AUTS2: variants seen among roughly 807,000 people sequenced by gnomAD.
The protein encoded by AUTS2 is autism susceptibility gene 2 protein.
Under a neutral mutation model 112.4 loss-of-function variants are expected in AUTS2, and 17 were observed. The observed-to-expected ratio is 0.15, with a 90% confidence interval of 0.10 to 0.23. The LOEUF is 0.23. AUTS2 is among the 10% of genes least tolerant of loss of function. The pLI is 1.00. For missense variants in AUTS2, 1,510 were observed against 1,701.6 expected (o/e 0.89, Z 1.98); for synonymous variants, 751 against 702.7 (o/e 1.07, Z -1.09).
At chr7:70,787,964 C>T (rs184010659) in intron 18 of AUTS2, among the ~76,000 whole-genome samples, 4 of 152,152 alleles carry the variant, frequency 2.6e-5, no homozygotes, top group Admixed American at 6.5e-5. Flanking sequence ...TGTAGAGAAA[C>T]GTCGACAAGC....
chr7:70,775,364 A>T lies in AUTS2; in HGVS notation c.1910A>T (p.Asp637Val). 1 of 1,613,174 alleles carries T rather than the reference A, an allele frequency of 6.2e-7. No individual in the cohort carries two copies. ...TLLQKDPRLT[D>V]PFRPMLRKPG... ...GTCATTTTCTCTTCACAGTTGACAG[A>T]TCCTTTCAGACCTATGTTAAGGGTA... The change falls in exon 13 of 19, where the codon GAT (aspartate) becomes GTT (valine). Residue 637 changes from aspartate (D) to valine (V), a missense_variant. By Grantham distance (152) the Asp-to-Val change is radical. Coordinates refer to ENST00000342771, the MANE Select transcript of AUTS2 (RefSeq NM_015570.4).
intron 4 of AUTS2, among the ~76,000 whole-genome samples, chr7:70,415,408 T>C (rs1794948613): frequency 6.6e-6 from 1 of 152,206 alleles, no homozygotes; most frequent in South Asian, 2.1e-4. Context: ...GCATATTGCA[T>C]AGTTTGAGGA....
chr7:70,609,816 CTT>C (rs2129533077), intron 5 of AUTS2, among the ~76,000 whole-genome samples: 1 of 152,262 alleles, frequency 6.6e-6, no homozygotes, highest in South Asian at 2.1e-4. Flanking sequence ...TCAGCGGACA[CTT>C]AGGTGAATTC....
At chr7:70,187,762 C>T (rs1584853894) in intron 4 of AUTS2, among the ~76,000 whole-genome samples, 1 of 147,508 alleles carries the variant, frequency 6.8e-6, no homozygotes, top group East Asian at 2.0e-4. Flanking sequence ...GTCAGACATA[C>T]TCAACTAGTC....
intron 4 of AUTS2, among the ~76,000 whole-genome samples, chr7:70,298,017 G>GT (rs1378250015): frequency 7.8e-4 from 118 of 151,688 alleles, no homozygotes; most frequent in African/African-American, 2.7e-3. Flanking sequence ...CTCTTTTTTT[G>GT]GTTTTTTTTG....
intron 1 of AUTS2, among the ~76,000 whole-genome samples, chr7:69,888,540 G>GATATATATATATATATATAT (rs60804022): frequency 2.7e-4 from 27 of 99,220 alleles, no homozygotes; most frequent in Admixed American, 4.4e-4. Context: ...CAACATTGGG[G>GATATATATATATATATATAT]ATATATATAT....
At chr7:69,716,331 C>G (rs970543342) in intron 1 of AUTS2, among the ~76,000 whole-genome samples, 3 of 151,724 alleles carry the variant, frequency 2.0e-5, no homozygotes, top group Admixed American at 6.6e-5. Context: ...GCATTCCACC[C>G]TACTAATACT....
At chr7:70,635,188 C>T (rs573661561) in intron 5 of AUTS2, among the ~76,000 whole-genome samples, 3 of 152,268 alleles carry the variant, frequency 2.0e-5, no homozygotes, top group African/African-American at 7.2e-5. Flanking sequence ...AGGCATTGCT[C>T]GACAGGGCAT....
intron 4 of AUTS2, among the ~76,000 whole-genome samples, chr7:70,218,011 G>T (rs1452216783): frequency 6.6e-6 from 1 of 152,124 alleles, no homozygotes; most frequent in African/African-American, 2.4e-5. Context: ...TGCTGTAAAG[G>T]TCCAGACCCA....
At chr7:70,672,087 A>C (rs1226084140) in intron 5 of AUTS2, among the ~76,000 whole-genome samples, 3 of 152,166 alleles carry the variant, frequency 2.0e-5, no homozygotes, top group African/African-American at 7.2e-5. Context: ...ATCAGGAGGA[A>C]ATCCCAATGA....
intron 5 of AUTS2, among the ~76,000 whole-genome samples, chr7:70,510,410 G>T (rs1294149089): frequency 6.6e-6 from 1 of 152,162 alleles, no homozygotes; most frequent in Non-Finnish European, 1.5e-5. Flanking sequence ...GTAACCAAAT[G>T]TTCCTAGGAG....
chr7:70,162,480 A>AAAACAAAAAAC (rs1808142691), intron 4 of AUTS2, among the ~76,000 whole-genome samples: 1 of 121,778 alleles, frequency 8.2e-6, no homozygotes, highest in African/African-American at 3.0e-5. Flanking sequence ...AAAAAAAAAA[A>AAAACAAAAAAC]GAAGTAAAGG....
At chr7:70,149,979 A>G (rs1166871883) in intron 4 of AUTS2, among the ~76,000 whole-genome samples, 4 of 152,072 alleles carry the variant, frequency 2.6e-5, no homozygotes, top group Non-Finnish European at 4.4e-5. Context: ...TAAATTATCT[A>G]GTGTAGAGTT....
At chr7:70,551,514 AG>A (rs1476082761) in intron 5 of AUTS2, among the ~76,000 whole-genome samples, 3 of 152,200 alleles carry the variant, frequency 2.0e-5, no homozygotes, top group Non-Finnish European at 4.4e-5. Context: ...AAGTTTCAGT[AG>A]GGGGGCATTC....
intron 2 of AUTS2, among the ~76,000 whole-genome samples, chr7:69,917,873 C>T (rs1161147604): frequency 2.0e-5 from 3 of 151,034 alleles, no homozygotes; most frequent in African/African-American, 7.4e-5. Flanking sequence ...GACGGAGTCT[C>T]GCTCTGTCGC....
At chr7:69,679,500 T>G (rs140628617) in intron 1 of AUTS2, among the ~76,000 whole-genome samples, 232 of 152,354 alleles carry the variant, frequency 1.5e-3, no homozygotes, top group African/African-American at 5.3e-3. Flanking sequence ...TTTTAAAATT[T>G]GTGTTGATTT....
chr7:70,491,088 G>A (rs1326751939), intron 5 of AUTS2, among the ~76,000 whole-genome samples: 3 of 152,154 alleles, frequency 2.0e-5, no homozygotes, highest in Non-Finnish European at 4.4e-5. Context: ...GTCCTAAAGT[G>A]CAAAGAAAAA....
At chr7:70,169,788 A>G (rs900738811) in intron 4 of AUTS2, among the ~76,000 whole-genome samples, 1 of 152,202 alleles carries the variant, frequency 6.6e-6, no homozygotes, top group East Asian at 1.9e-4. Flanking sequence ...CTTCACGAGA[A>G]ACATTACGGG....
intron 5 of AUTS2, among the ~76,000 whole-genome samples, chr7:70,496,547 GTC>G (rs1798523713): frequency 1.8e-5 from 1 of 54,608 alleles, no homozygotes; most frequent in Non-Finnish European, 3.4e-5. Flanking sequence ...CACGTACACA[GTC>G]AGACACACAC....
Sources: gnomAD v4.1 joint callset for allele counts (sites outside exome capture counted in the v4.1 genomes callset) on GRCh38, gnomAD v4.1.1 for gene constraint, MANE v1.5 for transcripts, NCBI Gene and HGNC (gene_info 2026-07-23, HGNC 2026-07-21) for gene names.